The following UPRT variants were observed in gnomAD, a reference collection of about 807,000 sequenced individuals.
UPRT encodes the protein uracil phosphoribosyltransferase homolog, also known as RP11-311P8.3.
UPRT carries 5 observed loss-of-function variants against 22.6 expected under a neutral mutation model. The ratio of observed to expected loss-of-function variants is 0.22; its 90% CI spans 0.12 to 0.47. UPRT has a LOEUF of 0.47. Among genes scored for constraint, UPRT ranks in the 20% least tolerant of loss-of-function variants. The pLI, the probability that UPRT is intolerant of heterozygous loss-of-function variation, is 0.99. For synonymous variants in UPRT, 77 were observed against 87.7 expected (o/e 0.88, Z 0.68); for missense variants, 181 against 239.9 (o/e 0.75, Z 1.62).
chrX:75,292,465 G>C (rs1194515278), intron 1 of UPRT, among the ~76,000 whole-genome samples: 1 of 111,842 alleles, frequency 8.9e-6, no homozygotes, highest in African/African-American at 3.2e-5. Flanking sequence ...CTGTGGTTAA[G>C]AAACCTAATG....
rs2082348242 is a variant in UPRT, at chrX:75,201,924, T to C, written c.-447+34045T>C. The C allele has an allele frequency of 2.7e-5, 3 of 111,596 alleles. No homozygotes were observed. The Admixed American group carries it at 2.9e-4, about 11-fold the overall frequency. 9.2% of individuals were successfully genotyped at this position (111,596 alleles called of 1,213,427 possible). ...GGCCTTAGTTGGAGCATGGTCTCTA[T>C]AGGTGAAGGCTTTGCTCTCCATCAG... On this transcript the variant is annotated intron_variant, in intron 4 of 13. Transcript: ENST00000652605.
chrX:75,167,267 C>T (rs944102944), intron 3 of UPRT, among the ~76,000 whole-genome samples: 1 of 111,983 alleles, frequency 8.9e-6, no homozygotes, highest in African/African-American at 3.2e-5. Context: ...AATGCTTGAT[C>T]AAGCCTCCTG....
At chrX:75,217,790 G>T (rs2082397634) in intron 4 of UPRT, among the ~76,000 whole-genome samples, 1 of 112,330 alleles carries the variant, frequency 8.9e-6, no homozygotes, top group Admixed American at 9.4e-5. Flanking sequence ...ATGGGGAAAG[G>T]ATTCCCTATT....
At position 75,156,640 on chromosome X, in the gene UPRT, G is replaced by C. The variant is rs1320575018; in HGVS notation, c.-737+90G>C. 8 of 357,066 alleles carry C rather than the reference G, an allele frequency of 2.2e-5. No homozygotes were observed. In the East Asian group the frequency reaches 6.5e-4, roughly 29 times the overall value. The allele number at this position is 357,066 out of a possible 1,213,427, so 29.4% of individuals were successfully genotyped here. Reference sequence around the variant, plus strand: ...CTGCTAAATCTGTCAACCCCATCTTGTCTCTCATAATACTCTCTTACCTCC... The same window carrying C: ...CTGCTAAATCTGTCAACCCCATCTTCTCTCTCATAATACTCTCTTACCTCC... On this transcript the variant is annotated intron_variant, in intron 1 of 13. Transcript: ENST00000652605.
At chrX:75,253,298 T>C (rs1439967054) in intron 4 of UPRT, among the ~76,000 whole-genome samples, 1 of 111,688 alleles carries the variant, frequency 9.0e-6, no homozygotes, top group Non-Finnish European at 1.9e-5. Flanking sequence ...AACCTAAAAT[T>C]ATATGAAAAA....
At chrX:75,300,315 A>G (rs971439852) in intron 5 of UPRT, among the ~76,000 whole-genome samples, 2 of 111,231 alleles carry the variant, frequency 1.8e-5, no homozygotes, top group African/African-American at 6.5e-5. Flanking sequence ...TCTTTAAGGG[A>G]GGTGAGAGGG....
intron 4 of UPRT, among the ~76,000 whole-genome samples, chrX:75,267,830 C>G (rs1207792826): frequency 9.0e-6 from 1 of 111,006 alleles, no homozygotes; most frequent in Non-Finnish European, 1.9e-5. Context: ...AATCAACATG[C>G]TAACATCACA....
At chrX:75,242,224 G>A (rs147560006) in intron 4 of UPRT, among the ~76,000 whole-genome samples, 1,499 of 111,156 alleles carry the variant, frequency 0.013, 17 homozygotes, top group Middle Eastern at 0.028. Flanking sequence ...CAGAACATTG[G>A]CTATCCTTTT....
At chrX:75,194,263 A>G (rs1365867697) in intron 4 of UPRT, among the ~76,000 whole-genome samples, 1 of 111,790 alleles carries the variant, frequency 8.9e-6, no homozygotes, top group Non-Finnish European at 1.9e-5. Context: ...TGCATGCTCT[A>G]ACTCTTAGGA....
chrX:75,284,708 G>C (rs189351722), intron 1 of UPRT, among the ~76,000 whole-genome samples: 63 of 111,600 alleles, frequency 5.6e-4, no homozygotes, highest in South Asian at 3.4e-3. Flanking sequence ...TGGCAGGGGG[G>C]GGTGCAGTGG....
At chrX:75,224,886 C>T (rs941063901) in intron 4 of UPRT, among the ~76,000 whole-genome samples, 6 of 111,592 alleles carry the variant, frequency 5.4e-5, no homozygotes, top group Non-Finnish European at 9.4e-5. Flanking sequence ...CACTCTGTTG[C>T]AAATAAATCA....
intron 1 of UPRT, chrX:75,291,307 G>C (rs886387264): frequency 3.6e-6 from 1 of 276,025 alleles, no homozygotes; most frequent in African/African-American, 2.9e-5. Context: ...ATGTGTGCAT[G>C]TGTGTTTTTT....
At chrX:75,257,163 A>G (rs1370230743) in intron 4 of UPRT, among the ~76,000 whole-genome samples, 1 of 112,227 alleles carries the variant, frequency 8.9e-6, no homozygotes, top group Admixed American at 9.4e-5. Flanking sequence ...CAAAAAGATC[A>G]TCCATCATGA....
intron 4 of UPRT, among the ~76,000 whole-genome samples, chrX:75,229,043 A>G (rs779645647): frequency 8.9e-6 from 1 of 112,024 alleles, no homozygotes; most frequent in Non-Finnish European, 1.9e-5. Flanking sequence ...AAAGCGTGCA[A>G]ACTTTCAGTT....
upstream of UPRT, among the ~76,000 whole-genome samples, chrX:75,272,289 C>CGT (rs2082610693): frequency 1.9e-5 from 1 of 53,255 alleles, no homozygotes; most frequent in Admixed American, 3.2e-4. Flanking sequence ...TATATATACA[C>CGT]ATATATATGT....
intron 4 of UPRT, among the ~76,000 whole-genome samples, chrX:75,218,205 A>T (rs1208996219): frequency 1.8e-5 from 2 of 110,836 alleles, no homozygotes; most frequent in African/African-American, 6.6e-5. Flanking sequence ...AAAACAAACA[A>T]CCCCATCAAA....
intron 2 of UPRT, among the ~76,000 whole-genome samples, 162 bp downstream of exon 2, chrX:75,293,676 TA>T (rs753181362): frequency 2.1e-4 from 23 of 111,367 alleles, no homozygotes; most frequent in African/African-American, 7.5e-4. Flanking sequence ...ACTGTTGCAT[TA>T]AAGATCTACT....
chrX:75,222,722 C>G (rs943033526), intron 4 of UPRT, among the ~76,000 whole-genome samples: 5 of 110,836 alleles, frequency 4.5e-5, no homozygotes, highest in Non-Finnish European at 9.4e-5. Context: ...CTAGGATTCA[C>G]CCTTTGGGGC....
intron 4 of UPRT, among the ~76,000 whole-genome samples, chrX:75,226,295 C>G (rs770434732): frequency 8.9e-6 from 1 of 111,766 alleles, no homozygotes; most frequent in Admixed American, 9.5e-5. Flanking sequence ...TGTGCCTACC[C>G]TTAAGATGTG....
Sources: allele counts gnomAD v4.1 joint callset (sites outside exome capture counted in the v4.1 genomes callset), GRCh38; gene constraint gnomAD v4.1.1; transcripts MANE v1.5; gene names NCBI Gene and HGNC (gene_info 2026-07-23, HGNC 2026-07-21).